The following DMD variants were observed in gnomAD, a reference collection of about 807,000 sequenced individuals.
The protein encoded by DMD is mutant dystrophin.
DMD carries 63 observed loss-of-function variants against 330.1 expected under a neutral mutation model. The observed-to-expected ratio is 0.19, with a 90% CI of 0.16 to 0.24. The LOEUF is 0.24. Ranked by LOEUF, DMD falls within the 10% of genes least tolerant of loss-of-function variation. The pLI is 1.00. For missense variants in DMD, 3,344 were observed against 2,684.1 expected (o/e 1.25, Z -5.43); for synonymous variants, 1,223 against 959.8 (o/e 1.27, Z -5.07).
intron 50 of DMD, among the ~76,000 whole-genome samples, chrX:31,796,844 A>G (rs933330785): frequency 1.8e-5 from 2 of 110,977 alleles, no homozygotes; most frequent in Admixed American, 1.9e-4. Context: ...TGCAAGAGCT[A>G]GTTGCCAAAT....
chrX:32,734,840 T>C (rs1372839662), intron 7 of DMD, among the ~76,000 whole-genome samples: 2 of 103,572 alleles, frequency 1.9e-5, no homozygotes, highest in African/African-American at 3.8e-5. Context: ...AAGCATTCCC[T>C]TTGAAAACTG....
chrX:32,923,944 A>G (rs187996495), intron 2 of DMD, among the ~76,000 whole-genome samples: 22 of 112,011 alleles, frequency 2.0e-4, no homozygotes, highest in African/African-American at 6.5e-4. Flanking sequence ...TTATGTTTAA[A>G]TTTATAGATG....
chrX:31,250,610 T>C (rs2049253827), intron 63 of DMD, among the ~76,000 whole-genome samples: 1 of 112,138 alleles, frequency 8.9e-6, no homozygotes, highest in Admixed American at 9.5e-5. Flanking sequence ...AAGTAACTTC[T>C]ATAGCAATTT....
intron 59 of DMD, among the ~76,000 whole-genome samples, chrX:31,472,932 A>G (rs1232895143): frequency 8.9e-6 from 1 of 112,574 alleles, no homozygotes; most frequent in Non-Finnish European, 1.9e-5. Flanking sequence ...ACAGATTTGC[A>G]TATTCCAAGA....
intron 48 of DMD, among the ~76,000 whole-genome samples, chrX:31,854,427 C>A (rs1000653410): frequency 8.9e-6 from 1 of 111,757 alleles, no homozygotes; most frequent in Admixed American, 9.5e-5. Context: ...AATACTGCTA[C>A]CATTTGTTGG....
At chrX:31,362,953 A>G (rs1190913435) in intron 60 of DMD, among the ~76,000 whole-genome samples, 2 of 112,112 alleles carry the variant, frequency 1.8e-5, no homozygotes, top group Admixed American at 9.4e-5. Flanking sequence ...CCGTCTCAAA[A>G]AACAAAAACA....
chrX:33,297,758 T>C (rs2053604447), intron 1 of DMD, among the ~76,000 whole-genome samples: 2 of 111,317 alleles, frequency 1.8e-5, no homozygotes, highest in Non-Finnish European at 3.8e-5. Flanking sequence ...CATGATATTA[T>C]GTGTGGAATA....
At chrX:32,811,173 CTT>C (rs1204612067) in intron 6 of DMD, among the ~76,000 whole-genome samples, 5,717 of 96,170 alleles carry the variant, frequency 0.059, 465 homozygotes, top group African/African-American at 0.22. Context: ...GTCTCTACAA[CTT>C]ATTAAAAAAA....
chrX:32,363,185 A>T (rs746778808), intron 36 of DMD, among the ~76,000 whole-genome samples: 14 of 111,901 alleles, frequency 1.3e-4, no homozygotes, highest in African/African-American at 4.2e-4. Flanking sequence ...ATTTCAGAAA[A>T]ATAGATCACC....
chrX:32,617,527 T>A (rs2057678216), intron 11 of DMD, among the ~76,000 whole-genome samples: 1 of 111,290 alleles, frequency 9.0e-6, no homozygotes. Flanking sequence ...AGAATGAAAT[T>A]AGACCCTTAT....
chrX:33,134,380 G>A (rs73455863), intron 1 of DMD, among the ~76,000 whole-genome samples: 2,722 of 111,485 alleles, frequency 0.024, 72 homozygotes, highest in African/African-American at 0.084. Flanking sequence ...AGTTAAACGT[G>A]AGTCAGTAAC....
chrX:32,315,267 C>T (rs772449273), intron 41 of DMD, among the ~76,000 whole-genome samples: 1 of 111,321 alleles, frequency 9.0e-6, no homozygotes, highest in Non-Finnish European at 1.9e-5. Context: ...AACCGTCATT[C>T]TCAGCAAACT....
At chrX:32,328,892 CTTT>C (rs750354048) in intron 41 of DMD, among the ~76,000 whole-genome samples, 2 of 111,095 alleles carry the variant, frequency 1.8e-5, no homozygotes, top group Non-Finnish European at 3.8e-5. Context: ...AAAAATTGCT[CTTT>C]TTTTTCTTTT....
At chrX:31,666,509 G>A (rs1195752855) in intron 53 of DMD, among the ~76,000 whole-genome samples, 2 of 112,225 alleles carry the variant, frequency 1.8e-5, no homozygotes, top group African/African-American at 6.5e-5. Context: ...AGCCTATGCT[G>A]ACTGACATAC....
At chrX:32,137,947 T>A (rs1004341045) in intron 44 of DMD, among the ~76,000 whole-genome samples, 2 of 109,388 alleles carry the variant, frequency 1.8e-5, no homozygotes, top group Non-Finnish European at 3.8e-5. Flanking sequence ...TATGTTTCCC[T>A]GGGTGATATC....
chrX:31,422,018 A>C (rs181046241), intron 60 of DMD, among the ~76,000 whole-genome samples: 1,418 of 35,709 alleles, frequency 0.04, 59 homozygotes, highest in African/African-American at 0.2. Flanking sequence ...TATATATATA[A>C]ACACACACAC....
At chrX:32,124,962 T>C (rs968366768) in intron 44 of DMD, among the ~76,000 whole-genome samples, 4 of 85,169 alleles carry the variant, frequency 4.7e-5, no homozygotes, top group African/African-American at 1.7e-4. Flanking sequence ...GTTAGAGAAA[T>C]CTAAAAAAAA....
chrX:31,552,910 C>T (rs1180942359), intron 55 of DMD, among the ~76,000 whole-genome samples: 1 of 111,471 alleles, frequency 9.0e-6, no homozygotes. Context: ...CTAGAGGTTG[C>T]TATTTGTAGT....
chrX:32,721,428 G>C (rs769151060), intron 7 of DMD, among the ~76,000 whole-genome samples: 5 of 109,125 alleles, frequency 4.6e-5, no homozygotes, highest in African/African-American at 1.7e-4. Context: ...ACCTTATTAT[G>C]ATTTTGATTT....
Sources: allele counts gnomAD v4.1 joint callset (sites outside exome capture counted in the v4.1 genomes callset), GRCh38; gene constraint gnomAD v4.1.1; transcripts MANE v1.5; gene names NCBI Gene and HGNC (gene_info 2026-07-23, HGNC 2026-07-21).